The following OSBPL5 variants were observed in gnomAD, a reference collection of about 807,000 sequenced individuals.
OSBPL5 encodes the protein oxysterol binding protein like 5, also known as oxysterol-binding protein-related protein 5.
A neutral mutation model predicts 111.2 loss-of-function variants in OSBPL5; 71 were observed. That is an observed-to-expected ratio of 0.64 (90% confidence interval 0.53 to 0.78). The LOEUF (loss-of-function observed/expected upper bound fraction) is 0.78. Ranked by LOEUF, OSBPL5 falls within the 30% of genes least tolerant of loss-of-function variation. The probability of loss-of-function intolerance (pLI) is 0.00; values close to 1 mark genes in which losing one functional copy is unlikely to be tolerated. For synonymous variants in OSBPL5, 549 were observed against 513.9 expected (o/e 1.07, Z -0.93); for missense variants, 1,210 against 1,189.3 (o/e 1.02, Z -0.26).
rs561847457 is a variant in OSBPL5, at chr11:3,108,403, G to T, written c.692-458C>A. Among the ~76,000 whole-genome samples, 293 of 152,288 alleles carry T rather than the reference G, an allele frequency of 1.9e-3. 1 individual carries two copies. The highest frequency in any genetic ancestry group is 6.7e-3 in the African/African-American group (280 of 41,552). On this transcript the variant is annotated intron_variant, in intron 7 of 21. Coordinates refer to ENST00000263650, the MANE Select transcript of OSBPL5 (RefSeq NM_020896.4). ...TCTGCAGGTGGAGTTAGGGAGGAGG[G>T]TCCTCCCTCACTGGGAAGCACTGGT...
Position 3,115,228 on chromosome 11 carries a change from A to G in OSBPL5, c.691+4319T>C, listed in dbSNP as rs192915080. On this transcript the variant is annotated intron_variant, in intron 7 of 21. Transcript: ENST00000263650. ...TTTGGTAAGTGGCCTAACAGATTTT[A>G]TGTTTTATCAAAATAATTCCTATGC... 6.6e-5 allele frequency among the ~76,000 whole-genome samples: 10 copies of G among 152,296 alleles called. No homozygotes were observed. The East Asian group carries it at 7.7e-4, about 12-fold the overall frequency.
intron 1 of OSBPL5, among the ~76,000 whole-genome samples, chr11:3,151,655 G>C (rs1221645998): frequency 6.6e-6 from 1 of 152,214 alleles, no homozygotes; most frequent in Non-Finnish European, 1.5e-5. Flanking sequence ...ACACCCCTCT[G>C]GGATCCCCGC....
In OSBPL5 at chr11:3,109,161, C is replaced by T. The variant is rs553999251; in HGVS notation, c.692-1216G>A. On this transcript the variant is annotated intron_variant, in intron 7 of 21. Coordinates refer to ENST00000263650, the MANE Select transcript of OSBPL5 (RefSeq NM_020896.4). The surrounding 1 kb of genome is among the most constrained non-coding windows in gnomAD (Gnocchi z 7.4). ...GGAGTGCAGTAGGGTGATCTCAGCT[C>T]GCTGCAACCTCTGACTCCAGGGTTC... 2.0e-5 allele frequency among the ~76,000 whole-genome samples: 3 copies of T among 152,164 alleles called. No individual in the cohort carries two copies. Among genetic ancestry groups the T allele is most frequent in the Admixed American group, 6.5e-5 (1 of 15,286 alleles).
At chr11:3,135,080 C>T (rs1845912552) in intron 1 of OSBPL5, among the ~76,000 whole-genome samples, 2 of 152,244 alleles carry the variant, frequency 1.3e-5, no homozygotes, top group Admixed American at 1.3e-4. Context: ...GCCCCTTTGT[C>T]CAAGAACGTT....
intron 7 of OSBPL5, among the ~76,000 whole-genome samples, chr11:3,112,112 C>T (rs1564837907): frequency 6.8e-6 from 1 of 147,788 alleles, no homozygotes; most frequent in African/African-American, 2.5e-5. Context: ...TGTGTGTGTG[C>T]ATGTGTGTGT....
chr11:3,123,355 G>C (rs1218268086), intron 3 of OSBPL5, among the ~76,000 whole-genome samples: 1 of 151,900 alleles, frequency 6.6e-6, no homozygotes, highest in Non-Finnish European at 1.5e-5. Flanking sequence ...TTAATCAGTT[G>C]AAAAAAAATC....
chr11:3,118,267 G>A (rs942481431), intron 7 of OSBPL5, among the ~76,000 whole-genome samples: 3 of 152,216 alleles, frequency 2.0e-5, no homozygotes, highest in African/African-American at 7.2e-5. Context: ...TCTATTCCAA[G>A]TCACCCCTCT....
chr11:3,104,707 C>T lies in OSBPL5; in HGVS notation c.1060-330G>A, dbSNP rs75482097. On this transcript the variant is annotated intron_variant, in intron 9 of 21. Transcript: ENST00000263650. The surrounding 1 kb of genome is among the most constrained non-coding windows in gnomAD (Gnocchi z 5.0). The stretch of plus-strand genomic sequence containing the variant: ...CTGCTGTTGAAACCTGTCTGTGCAT[C>T]GTGGGACCCTGGGCCCAGGGAACAG... Among the ~76,000 whole-genome samples, 27 of 152,290 alleles carry T rather than the reference C, an allele frequency of 1.8e-4. No homozygotes were observed. Among genetic ancestry groups the T allele is most frequent in the African/African-American group, 6.0e-4 (25 of 41,562 alleles).
intron 14 of OSBPL5, among the ~76,000 whole-genome samples, chr11:3,096,702 A>G (rs964806673): frequency 5.9e-5 from 9 of 152,034 alleles, no homozygotes; most frequent in African/African-American, 1.2e-4. Context: ...TACACAAATG[A>G]CATGACATGA....
rs140120467 is a variant in OSBPL5 at position 3,124,031 on chromosome 11, C to T, written c.220-1603G>A. On this transcript the variant is annotated intron_variant, in intron 3 of 21. Transcript: ENST00000263650. Reference sequence around the variant, plus strand: ...CAGACCAGCCACCAGCACGCAGAGGCGGGAGGAGCCAGGGGTCAGGTGAGC... The same window carrying T: ...CAGACCAGCCACCAGCACGCAGAGGTGGGAGGAGCCAGGGGTCAGGTGAGC... Among the ~76,000 whole-genome samples, 702 of 152,280 alleles carry T rather than the reference C, an allele frequency of 4.6e-3. 3 individuals are homozygous for T. Among genetic ancestry groups the T allele is most frequent in the African/African-American group, 0.014 (581 of 41,556 alleles).
rs1399965313 is a variant in OSBPL5 at position 3,104,306 on chromosome 11, C to A, written c.1131G>T (p.Gln377His). Residue 377 changes from glutamine to histidine, a missense_variant, in exon 10 of 22, where the codon CAG (glutamine) becomes CAT (histidine). Gln to His is a conservative substitution (Grantham distance 24, BLOSUM62 0). Transcript: ENST00000263650. This position sits in a 1 kb window ranked among gnomAD's most constrained non-coding sequence, Gnocchi z 5.0. ...NKSLMWTLLK[Q>H]LRPGMDLSRV... ...GGGACAGGTCCATGCCTGGCCGTAG[C>A]TGCTTCAGCAGGGTCCACATCAGAC... is the stretch of plus-strand genomic sequence containing the variant. 1.2e-6 allele frequency: 2 copies of A among 1,613,680 alleles called. No homozygotes were observed. Among genetic ancestry groups the A allele is most frequent in the Non-Finnish European group, 1.7e-6 (2 of 1,179,996 alleles).
chr11:3,120,283 G>A, intron 6 of OSBPL5, 138 bp downstream of exon 6: 2 of 1,037,908 alleles, frequency 1.9e-6, no homozygotes, highest in Non-Finnish European at 2.8e-6. Flanking sequence ...CGCATGTGGG[G>A]CTCAGAGAAG....
chr11:3,119,401 C>G, intron 7 of OSBPL5, 146 bp downstream of exon 7: 1 of 729,538 alleles, frequency 1.4e-6, no homozygotes. Flanking sequence ...TGACTCCGAG[C>G]CGGGCTCATC....
At chr11:3,108,366 C>T (rs1010994254) in intron 7 of OSBPL5, among the ~76,000 whole-genome samples, 6 of 152,178 alleles carry the variant, frequency 3.9e-5, no homozygotes, top group African/African-American at 1.4e-4. Flanking sequence ...CCCTGATGGC[C>T]ACCCACAGGT....
intron 14 of OSBPL5, among the ~76,000 whole-genome samples, chr11:3,097,214 C>T (rs1012015956): frequency 4.0e-5 from 6 of 148,506 alleles, no homozygotes; most frequent in Non-Finnish European, 6.0e-5. Flanking sequence ...CTGAGGTTGC[C>T]GTGGAAAGTG....
intron 1 of OSBPL5, among the ~76,000 whole-genome samples, chr11:3,133,894 C>A (rs942413429): frequency 6.6e-5 from 10 of 152,188 alleles, no homozygotes; most frequent in Non-Finnish European, 1.5e-4. Context: ...AGCCCCGAGA[C>A]CCCAAGGTCC....
chr11:3,102,965 T>G (rs1857508367), intron 11 of OSBPL5, among the ~76,000 whole-genome samples: 2 of 152,202 alleles, frequency 1.3e-5, no homozygotes, highest in African/African-American at 4.8e-5. Context: ...GAGGCTGTTT[T>G]CTTGGGGGGT....
intron 14 of OSBPL5, among the ~76,000 whole-genome samples, chr11:3,097,072 T>TGGGAGGGGGAGGAGA (rs377232706): frequency 2.5e-4 from 1 of 3,930 alleles, no homozygotes; most frequent in Non-Finnish European, 4.5e-4. Flanking sequence ...AGGGGGAAGA[T>TGGGAGGGGGAGGAGA]GGAAGGAGGA....
Position 3,162,896 on chromosome 11 carries a change from A to G in OSBPL5, c.-22+2320T>C, listed in dbSNP as rs1451255021. On this transcript the variant is annotated intron_variant, in intron 1 of 21. Transcript: ENST00000263650. This position sits in a 1 kb window ranked among gnomAD's most constrained non-coding sequence, Gnocchi z 8.1. ...CCAGTGGCCCTCACTTGTACCCCCCAACATCTACCCCCCAGCACACTGGTG... is the reference window on the plus strand; with the variant it reads ...CCAGTGGCCCTCACTTGTACCCCCCGACATCTACCCCCCAGCACACTGGTG... Among the ~76,000 whole-genome samples, 1 of 150,704 alleles carries G rather than the reference A, an allele frequency of 6.6e-6. No homozygotes were observed. Among genetic ancestry groups the G allele is most frequent in the Non-Finnish European group, 1.5e-5 (1 of 67,654 alleles).
Sources: allele counts gnomAD v4.1 joint callset (sites outside exome capture counted in the v4.1 genomes callset), GRCh38; gene constraint gnomAD v4.1.1; non-coding constraint Gnocchi (gnomAD v3.1); transcripts MANE v1.5; gene names NCBI Gene and HGNC (gene_info 2026-07-23, HGNC 2026-07-21).